The following PRKD1 variants were observed in gnomAD, a reference collection of about 807,000 sequenced individuals.
PRKD1 encodes serine/threonine-protein kinase D1.
A neutral mutation model predicts 95.9 loss-of-function variants in PRKD1; 63 were observed. The observed-to-expected ratio is 0.66, with a 90% CI of 0.54 to 0.81. The LOEUF (loss-of-function observed/expected upper bound fraction) is 0.81, where lower values mean the gene tolerates loss of function less well. PRKD1 is among the 30% of genes least tolerant of loss of function. The pLI is 0.00. For missense variants in PRKD1, 1,048 were observed against 1,165.3 expected (o/e 0.90, Z 1.47); for synonymous variants, 425 against 423.1 (o/e 1.00, Z -0.05).
intron 1 of PRKD1, among the ~76,000 whole-genome samples, chr14:29,827,089 A>C (rs751120306): frequency 6.6e-6 from 1 of 151,164 alleles, no homozygotes; most frequent in Non-Finnish European, 1.5e-5. Flanking sequence ...AGGGCGGGAA[A>C]GGAGTGAGGG....
chr14:29,839,284 T>C (rs992025937), intron 1 of PRKD1, among the ~76,000 whole-genome samples: 1 of 152,198 alleles, frequency 6.6e-6, no homozygotes, highest in East Asian at 1.9e-4. Flanking sequence ...GCAGAGCTTT[T>C]GATGGAAATT....
intron 1 of PRKD1, among the ~76,000 whole-genome samples, chr14:29,779,291 A>G (rs916710728): frequency 6.6e-6 from 1 of 152,180 alleles, no homozygotes; most frequent in Non-Finnish European, 1.5e-5. Flanking sequence ...TGGCCAGGCA[A>G]TCAGGCAGGA....
intron 1 of PRKD1, among the ~76,000 whole-genome samples, chr14:29,837,803 T>C (rs1316013367): frequency 6.6e-6 from 1 of 152,224 alleles, no homozygotes; most frequent in Non-Finnish European, 1.5e-5. Context: ...TACTGTGACA[T>C]GCACAAACAT....
At chr14:29,655,401 T>C (rs1292911976) in intron 4 of PRKD1, among the ~76,000 whole-genome samples, 2 of 152,198 alleles carry the variant, frequency 1.3e-5, no homozygotes, top group Non-Finnish European at 2.9e-5. Context: ...ACCCAGAACA[T>C]GTTCTGGTTG....
At chr14:29,851,568 G>A (rs1365705633) in intron 1 of PRKD1, among the ~76,000 whole-genome samples, 1 of 152,034 alleles carries the variant, frequency 6.6e-6, no homozygotes. Flanking sequence ...CTATTATTAC[G>A]AAGTCCAAAA....
rs117078072 is a variant in PRKD1 at position 29,860,185 on chromosome 14, G to T, written c.264+67064C>A. Among the ~76,000 whole-genome samples the T allele has an allele frequency of 6.9e-3, 1,045 of 152,284 alleles. 6 individuals carry two copies. Among genetic ancestry groups the T allele is most frequent in the Non-Finnish European group, 0.011 (716 of 68,024 alleles). On this transcript the variant is annotated intron_variant, in intron 1 of 17. Transcript: ENST00000331968. Reference sequence around the variant, plus strand: ...AACAAGTTCACTTCTTTCTGCTGTGGGTGCTATTCCTGAAAAAATCAAAGC... The same window carrying T: ...AACAAGTTCACTTCTTTCTGCTGTGTGTGCTATTCCTGAAAAAATCAAAGC...
Position 29,588,753 on chromosome 14 carries a change from C to T in PRKD1, c.2434+8738G>A, listed in dbSNP as rs185146950. On this transcript the variant is annotated intron_variant, in intron 16 of 17. Coordinates refer to ENST00000331968, the MANE Select transcript of PRKD1 (RefSeq NM_002742.3). ...GGCAAAATTATCAGATTGTGATGCA[C>T]TAAAGGCATTTCCTATGCTTTGCAT... Among the ~76,000 whole-genome samples the T allele has an allele frequency of 7.4e-4, 112 of 151,716 alleles. 1 individual carries two copies. Among genetic ancestry groups the T allele is most frequent in the Non-Finnish European group, 3.2e-4 (22 of 67,946 alleles).
intron 1 of PRKD1, among the ~76,000 whole-genome samples, chr14:29,769,494 G>A (rs1356847156): frequency 2.0e-5 from 3 of 152,048 alleles, no homozygotes; most frequent in African/African-American, 7.2e-5. Flanking sequence ...CCAGAAACTT[G>A]AGGCTGCATG....
intron 4 of PRKD1, chr14:29,656,447 T>C: frequency 6.6e-7 from 1 of 1,523,818 alleles, no homozygotes; most frequent in African/African-American, 1.4e-5. Flanking sequence ...TGAAGCAAAT[T>C]TCTAGCACCA....
At chr14:29,870,572 G>A (rs1016318062) in intron 1 of PRKD1, among the ~76,000 whole-genome samples, 2 of 152,150 alleles carry the variant, frequency 1.3e-5, no homozygotes, top group South Asian at 2.1e-4. Flanking sequence ...ATACAGAGGA[G>A]GGAAACTGCA....
At chr14:29,916,862 T>C (rs1894908740) in intron 1 of PRKD1, among the ~76,000 whole-genome samples, 1 of 152,176 alleles carries the variant, frequency 6.6e-6, no homozygotes, top group South Asian at 2.1e-4. Context: ...TTCGAACTCA[T>C]CCTAGTCCCT....
intron 4 of PRKD1, among the ~76,000 whole-genome samples, chr14:29,644,529 C>CA (rs1461231844): frequency 6.6e-6 from 1 of 151,068 alleles, no homozygotes; most frequent in African/African-American, 2.4e-5. Context: ...TTTAGTTTTT[C>CA]AAAAGAAGCA....
At chr14:29,777,427 C>G in intron 1 of PRKD1, among the ~76,000 whole-genome samples, 1 of 151,834 alleles carries the variant, frequency 6.6e-6, no homozygotes, top group Non-Finnish European at 1.5e-5. Flanking sequence ...CACATAGGCT[C>G]AAAATAAAGG....
intron 3 of PRKD1, 125 bp from the exon 4 acceptor site, chr14:29,663,984 T>G: frequency 9.8e-7 from 1 of 1,020,228 alleles, no homozygotes; most frequent in South Asian, 1.7e-5. Flanking sequence ...ATTTGGAAAT[T>G]CACATTTTCT....
At chr14:29,832,715 T>C (rs988507229) in intron 1 of PRKD1, among the ~76,000 whole-genome samples, 15 of 152,136 alleles carry the variant, frequency 9.9e-5, no homozygotes, top group African/African-American at 3.6e-4. Context: ...ACTATTTCAA[T>C]TTGAATACTA....
At chr14:29,656,940 A>T (rs1881884042) in intron 4 of PRKD1, among the ~76,000 whole-genome samples, 1 of 152,234 alleles carries the variant, frequency 6.6e-6, no homozygotes. Context: ...TCATCAAAGT[A>T]ATCAAATGAT....
chr14:29,878,786 G>A (rs1166625668), intron 1 of PRKD1, among the ~76,000 whole-genome samples: 2 of 152,054 alleles, frequency 1.3e-5, no homozygotes, highest in East Asian at 3.9e-4. Context: ...TGCTTAATAG[G>A]TACACAATTT....
In PRKD1 at chr14:29,704,750, G is replaced by A. The variant is rs141582508; in HGVS notation, c.403+20786C>T. 8.4e-4 allele frequency among the ~76,000 whole-genome samples: 128 copies of A among 152,162 alleles called. No homozygotes were observed. In the Middle Eastern group the frequency reaches 0.017, roughly 20 times the overall value. On this transcript the variant is annotated intron_variant, in intron 2 of 17. Transcript: ENST00000331968. The stretch of plus-strand genomic sequence containing the variant: ...ATATGTTCAATGACTTCATACTTAT[G>A]CACATTTACTCAGGTATTTTAAATG...
At chr14:29,604,941 T>C (rs571906664) in intron 13 of PRKD1, among the ~76,000 whole-genome samples, 1 of 152,306 alleles carries the variant, frequency 6.6e-6, no homozygotes, top group East Asian at 1.9e-4. Flanking sequence ...ATTCTTCTAG[T>C]ATTTCTTCGC....
Sources: gnomAD v4.1 joint callset for allele counts (sites outside exome capture counted in the v4.1 genomes callset) on GRCh38, gnomAD v4.1.1 for gene constraint, MANE v1.5 for transcripts, NCBI Gene and HGNC (gene_info 2026-07-23, HGNC 2026-07-21) for gene names.